Variants in LGR5 observed in about 807,000 individuals in gnomAD.
LGR5 encodes leucine rich repeat containing G protein-coupled receptor 5.
A neutral mutation model predicts 76.7 loss-of-function variants in LGR5; 54 were observed. The observed-to-expected ratio is 0.70, with a 90% CI of 0.57 to 0.88. The LOEUF (loss-of-function observed/expected upper bound fraction) is 0.88. Ranked by LOEUF, LGR5 falls within the 40% of genes least tolerant of loss-of-function variation. LGR5 has a pLI of 0.00. For synonymous variants in LGR5, 406 were observed against 421.9 expected (o/e 0.96, Z 0.46); for missense variants, 1,078 against 1,073.3 (o/e 1.00, Z -0.06).
At chr12:71,567,012 A>C in intron 11 of LGR5, 100 bp downstream of exon 11, 1 of 1,008,182 alleles carries the variant, frequency 9.9e-7, no homozygotes, top group East Asian at 2.4e-5. Flanking sequence ...AAGAGGAGAA[A>C]GTTTTTCCTT....
intron 3 of LGR5, among the ~76,000 whole-genome samples, chr12:71,531,037 T>G (rs1456651129): frequency 2.7e-5 from 4 of 150,112 alleles, no homozygotes; most frequent in African/African-American, 9.8e-5. Context: ...CAAAAAATTG[T>G]GTAGAGTAGC....
At chr12:71,580,218 C>A in intron 15 of LGR5, 60 bp from the exon 16 acceptor site, 1 of 1,456,490 alleles carries the variant, frequency 6.9e-7, no homozygotes, top group Non-Finnish European at 9.3e-7. Flanking sequence ...AGAACATGAA[C>A]ACTATATTTA....
At chr12:71,448,084 A>AACACACAC (rs35911721) in intron 1 of LGR5, among the ~76,000 whole-genome samples, 42 of 145,680 alleles carry the variant, frequency 2.9e-4, no homozygotes, top group African/African-American at 8.5e-4. Context: ...CACACACACA[A>AACACACAC]ACACACACAC....
intron 1 of LGR5, among the ~76,000 whole-genome samples, chr12:71,488,545 G>A (rs1873933695): frequency 6.6e-6 from 1 of 152,126 alleles, no homozygotes; most frequent in Admixed American, 6.5e-5. Flanking sequence ...TCAGCAGATG[G>A]GTCATGGGAA....
rs376041503 is a variant in LGR5, at chr12:71,440,047, C to T, written c.-34C>T. 1.1e-4 allele frequency: 179 copies of T among 1,591,640 alleles called. 1 individual carries two copies. In the African/African-American group the frequency reaches 2.2e-3, roughly 19 times the overall value. On this transcript the variant is annotated 5_prime_UTR_variant, in exon 1 of 18. Coordinates refer to ENST00000266674, the MANE Select transcript of LGR5 (RefSeq NM_003667.4). This position sits in a 1 kb window ranked among gnomAD's most constrained non-coding sequence, Gnocchi z 5.3. ...TAGCAGTCCGGTGCTGCTCTCCGCC[C>T]GCGTCCGGCTCGTGGCCCCCTACTT...
At chr12:71,468,612 A>G (rs1443868606) in intron 1 of LGR5, among the ~76,000 whole-genome samples, 1 of 151,748 alleles carries the variant, frequency 6.6e-6, no homozygotes, top group Non-Finnish European at 1.5e-5. Context: ...GACAAATGCC[A>G]TTTAAGCTTT....
chr12:71,488,781 C>T (rs1473238789), intron 1 of LGR5, among the ~76,000 whole-genome samples: 1 of 152,088 alleles, frequency 6.6e-6, no homozygotes, highest in African/African-American at 2.4e-5. Flanking sequence ...ATCCAATAAA[C>T]TTTATTAATT....
intron 1 of LGR5, among the ~76,000 whole-genome samples, chr12:71,469,111 T>TCC (rs1872981900): frequency 6.6e-6 from 1 of 152,236 alleles, no homozygotes; most frequent in African/African-American, 2.4e-5. Flanking sequence ...CCAGAATGAC[T>TCC]ATGGGCACCA....
intron 4 of LGR5, among the ~76,000 whole-genome samples, chr12:71,537,202 A>G (rs1025629892): frequency 2.0e-5 from 3 of 150,408 alleles, no homozygotes; most frequent in Non-Finnish European, 3.0e-5. Context: ...AAAAAAAAGC[A>G]TGATATGTTG....
intron 4 of LGR5, among the ~76,000 whole-genome samples, chr12:71,546,067 C>T (rs1877142372): frequency 6.6e-6 from 1 of 152,194 alleles, no homozygotes; most frequent in South Asian, 2.1e-4. Context: ...AGGCCTAGCA[C>T]TTTGGGAGGC....
At chr12:71,484,715 G>A (rs769140140) in intron 1 of LGR5, among the ~76,000 whole-genome samples, 2 of 152,154 alleles carry the variant, frequency 1.3e-5, no homozygotes, top group Non-Finnish European at 2.9e-5. Flanking sequence ...TGGGATGTGA[G>A]CTGAGTACAC....
chr12:71,570,447 C>A lies in LGR5; in HGVS notation c.1071-1067C>A, dbSNP rs1878554562. On this transcript the variant is annotated intron_variant, in intron 11 of 17. Transcript: ENST00000266674. Reference sequence around the variant, plus strand: ...TAAGAGGTAGACAATGAAGGAGTATCCCCTTTGCAGCCTGCAGAGATGAGT... The same window carrying A: ...TAAGAGGTAGACAATGAAGGAGTATACCCTTTGCAGCCTGCAGAGATGAGT... Among the ~76,000 whole-genome samples, 3 of 152,098 alleles carry A rather than the reference C, an allele frequency of 2.0e-5. No individual in the cohort carries two copies. The South Asian group carries it at 6.2e-4, about 32-fold the overall frequency.
chr12:71,500,611 T>C (rs542767310), intron 1 of LGR5, among the ~76,000 whole-genome samples: 89 of 152,006 alleles, frequency 5.9e-4, no homozygotes, highest in Non-Finnish European at 1.0e-3. Flanking sequence ...CTAATTTTTA[T>C]TTATTTATTT....
intron 1 of LGR5, among the ~76,000 whole-genome samples, chr12:71,482,178 C>G (rs934365236): frequency 2.6e-5 from 4 of 152,132 alleles, no homozygotes; most frequent in African/African-American, 4.8e-5. Context: ...GTGTACCAGT[C>G]CAGTGATTCT....
At chr12:71,570,193 A>G (rs1391746941) in intron 11 of LGR5, among the ~76,000 whole-genome samples, 1 of 152,192 alleles carries the variant, frequency 6.6e-6, no homozygotes, top group African/African-American at 2.4e-5. Flanking sequence ...TAAGGAAAAA[A>G]GCTAATGCGT....
At chr12:71,557,327 A>G (rs1270286433) in intron 6 of LGR5, among the ~76,000 whole-genome samples, 7 of 152,220 alleles carry the variant, frequency 4.6e-5, no homozygotes, top group Non-Finnish European at 7.3e-5. Flanking sequence ...GCTACTATTT[A>G]TTGAATATAT....
intron 3 of LGR5, among the ~76,000 whole-genome samples, chr12:71,531,549 A>C (rs1876309254): frequency 6.6e-6 from 1 of 152,126 alleles, no homozygotes; most frequent in African/African-American, 2.4e-5. Context: ...TTAAATCATT[A>C]GGAGGTAACG....
chr12:71,501,787 T>C (rs1250939107), intron 1 of LGR5, among the ~76,000 whole-genome samples: 1 of 152,236 alleles, frequency 6.6e-6, no homozygotes, highest in East Asian at 1.9e-4. Flanking sequence ...TATAATAGTG[T>C]AAGTCCACAG....
intron 6 of LGR5, among the ~76,000 whole-genome samples, chr12:71,557,184 C>T (rs1418768512): frequency 6.6e-6 from 1 of 152,170 alleles, no homozygotes; most frequent in Non-Finnish European, 1.5e-5. Context: ...ACTTGGGAAG[C>T]CAATGCGGGA....
Sources: allele counts gnomAD v4.1 joint callset (sites outside exome capture counted in the v4.1 genomes callset), GRCh38; gene constraint gnomAD v4.1.1; non-coding constraint Gnocchi (gnomAD v3.1); transcripts MANE v1.5; gene names NCBI Gene and HGNC (gene_info 2026-07-23, HGNC 2026-07-21).